Variants in HTR2C observed in about 807,000 individuals in gnomAD.
The protein encoded by HTR2C is 5-hydroxytryptamine receptor 2C, also known as 5-hydroxytryptamine (serotonin) receptor 2C, G protein-coupled.
Under a neutral mutation model 21.0 loss-of-function variants are expected in HTR2C, and 5 were observed. That is an observed-to-expected ratio of 0.24 (90% confidence interval 0.12 to 0.50). The LOEUF is 0.50. Ranked by LOEUF, HTR2C falls within the 20% of genes least tolerant of loss-of-function variation. HTR2C has a pLI of 0.98. For synonymous variants in HTR2C, 150 were observed against 145.3 expected (o/e 1.03, Z -0.23); for missense variants, 271 against 371.2 (o/e 0.73, Z 2.22).
At chrX:114,621,420 A>G (rs1929158000) in intron 2 of HTR2C, among the ~76,000 whole-genome samples, 1 of 112,342 alleles carries the variant, frequency 8.9e-6, no homozygotes, top group Non-Finnish European at 1.9e-5. Flanking sequence ...ATGAACACTG[A>G]AATTTGAATT....
At chrX:114,895,875 C>T (rs1206942587) in intron 5 of HTR2C, among the ~76,000 whole-genome samples, 1 of 109,389 alleles carries the variant, frequency 9.1e-6, no homozygotes, top group Non-Finnish European at 1.9e-5. Context: ...CTAATCCCAG[C>T]AACTTGGGAT....
intron 2 of HTR2C, among the ~76,000 whole-genome samples, chrX:114,693,640 T>G: frequency 9.0e-6 from 1 of 111,177 alleles, no homozygotes; most frequent in East Asian, 2.8e-4. Flanking sequence ...AGCCACAATT[T>G]TCCAATTATG....
chrX:114,683,162 A>C (rs1288370047), intron 2 of HTR2C, among the ~76,000 whole-genome samples: 1 of 111,668 alleles, frequency 9.0e-6, no homozygotes, highest in African/African-American at 3.3e-5. Flanking sequence ...TTTTTAATCC[A>C]TCAGTGGTTG....
intron 2 of HTR2C, among the ~76,000 whole-genome samples, chrX:114,718,382 G>A (rs781896042): frequency 1.2e-4 from 14 of 112,248 alleles, no homozygotes; most frequent in African/African-American, 4.5e-4. Flanking sequence ...TGGTTCAGTT[G>A]TTTTGGAGTG....
chrX:114,707,381 A>G (rs1431546212), intron 2 of HTR2C, among the ~76,000 whole-genome samples: 2 of 111,054 alleles, frequency 1.8e-5, no homozygotes, highest in Non-Finnish European at 3.8e-5. Context: ...TGATGGTGCC[A>G]TGGCACTCCA....
intron 2 of HTR2C, among the ~76,000 whole-genome samples, chrX:114,696,422 T>C (rs1269506922): frequency 9.0e-6 from 1 of 111,233 alleles, no homozygotes; most frequent in Non-Finnish European, 1.9e-5. Context: ...CGAAAAAGAA[T>C]ATGTGGAAGA....
intron 2 of HTR2C, among the ~76,000 whole-genome samples, chrX:114,687,723 T>C (rs1426497523): frequency 8.9e-6 from 1 of 111,793 alleles, no homozygotes; most frequent in Non-Finnish European, 1.9e-5. Context: ...AATTCATAGA[T>C]AAATGTAAAG....
At chrX:114,788,911 A>G (rs1454688531) in intron 4 of HTR2C, among the ~76,000 whole-genome samples, 2 of 111,686 alleles carry the variant, frequency 1.8e-5, no homozygotes, top group Non-Finnish European at 3.8e-5. Flanking sequence ...AGCCTCCCAA[A>G]GTGTTGGGAT....
intron 2 of HTR2C, among the ~76,000 whole-genome samples, chrX:114,684,978 C>T (rs782176158): frequency 6.2e-4 from 69 of 111,023 alleles, no homozygotes; most frequent in African/African-American, 2.1e-3. Context: ...AGGCTAAAAT[C>T]TTTCAATTAA....
At chrX:114,876,177 G>A (rs2147514646) in intron 5 of HTR2C, among the ~76,000 whole-genome samples, 1 of 109,416 alleles carries the variant, frequency 9.1e-6, no homozygotes, top group African/African-American at 3.3e-5. Context: ...TAATTTGAAT[G>A]GGATTTTTTC....
intron 5 of HTR2C, among the ~76,000 whole-genome samples, chrX:114,861,000 G>A (rs782001349): frequency 1.2e-4 from 13 of 111,447 alleles, no homozygotes; most frequent in Non-Finnish European, 2.1e-4. Flanking sequence ...TGAAGCAAAT[G>A]AATATATTCA....
intron 5 of HTR2C, among the ~76,000 whole-genome samples, chrX:114,862,209 G>A (rs781815842): frequency 9.0e-6 from 1 of 110,792 alleles, no homozygotes; most frequent in Non-Finnish European, 1.9e-5. Context: ...TGGAAATAGA[G>A]TTTTTACAGC....
At chrX:114,776,516 A>G (rs1184466791) in intron 4 of HTR2C, 8 of 543,099 alleles carry the variant, frequency 1.5e-5, no homozygotes, top group Admixed American at 4.8e-5. Context: ...CCAATGCTTC[A>G]TATCAGACTA....
intron 4 of HTR2C, among the ~76,000 whole-genome samples, chrX:114,778,463 G>T (rs987914807): frequency 9.1e-6 from 1 of 110,256 alleles, no homozygotes; most frequent in Non-Finnish European, 1.9e-5. Flanking sequence ...TCACATGGTA[G>T]AAACTTCTGA....
chrX:114,839,687 AAAAACAAAAC>A (rs368109180), intron 4 of HTR2C, among the ~76,000 whole-genome samples: 2,841 of 108,773 alleles, frequency 0.026, 103 homozygotes, highest in African/African-American at 0.092. Flanking sequence ...ATCCTGTCTC[AAAAACAAAAC>A]AAAACAAAAC....
chrX:114,754,570 T>G (rs1165470220), intron 4 of HTR2C, among the ~76,000 whole-genome samples: 2 of 111,263 alleles, frequency 1.8e-5, no homozygotes, highest in African/African-American at 6.5e-5. Context: ...CCAAAGAAAA[T>G]GGTCCTCCAT....
At chrX:114,597,304 A>G (rs1434600943) in intron 1 of HTR2C, among the ~76,000 whole-genome samples, 1 of 110,814 alleles carries the variant, frequency 9.0e-6, no homozygotes, top group African/African-American at 3.3e-5. Context: ...GTTAGAGAAT[A>G]TAACACTTGT....
chrX:114,888,918 A>T (rs1373710600), intron 5 of HTR2C, among the ~76,000 whole-genome samples: 1 of 111,644 alleles, frequency 9.0e-6, no homozygotes, highest in Non-Finnish European at 1.9e-5. Context: ...ACGTATTTTA[A>T]ATCACTTATT....
intron 4 of HTR2C, among the ~76,000 whole-genome samples, chrX:114,806,948 A>ATT (rs1478190579): frequency 9.8e-6 from 1 of 102,190 alleles, no homozygotes; most frequent in Non-Finnish European, 2.0e-5. Context: ...TATATACCAT[A>ATT]TATACCATAT....
Sources: gnomAD v4.1 joint callset for allele counts (sites outside exome capture counted in the v4.1 genomes callset) on GRCh38, gnomAD v4.1.1 for gene constraint, MANE v1.5 for transcripts, NCBI Gene and HGNC (gene_info 2026-07-23, HGNC 2026-07-21) for gene names.